Variants in TMEM52B observed in about 807,000 individuals in gnomAD.
TMEM52B encodes transmembrane protein 52B, also known as chromosome 12 open reading frame 59.
In TMEM52B, 11 loss-of-function variants were observed where a neutral mutation model predicts 16.1. The ratio of observed to expected loss-of-function variants is 0.68; its 90% confidence interval spans 0.43 to 1.13. TMEM52B has a LOEUF of 1.13. Among genes scored for constraint, TMEM52B ranks in the 50% most tolerant of loss-of-function variants. TMEM52B has a pLI of 0.00. For missense variants in TMEM52B, 243 were observed against 230.4 expected, an observed-to-expected ratio of 1.05 and a Z score of -0.35; for synonymous variants, 101 against 93.8, an observed-to-expected ratio of 1.08 and a Z score of -0.45.
upstream of TMEM52B, among the ~76,000 whole-genome samples, chr12:10,175,049 G>T (rs987498645): frequency 6.6e-6 from 1 of 152,110 alleles, no homozygotes; most frequent in Admixed American, 6.5e-5. Flanking sequence ...TCCTTGTGTG[G>T]CAGATAACTG....
upstream of TMEM52B, chr12:10,175,525 T>G (rs191711677): frequency 6.6e-6 from 1 of 152,354 alleles, no homozygotes; most frequent in East Asian, 1.9e-4. Flanking sequence ...GCTGCTCACA[T>G]AATTTGTGGT....
At chr12:10,182,623 G>T in intron 2 of TMEM52B, 30 bp downstream of exon 2, 2 of 1,529,242 alleles carry the variant, frequency 1.3e-6, no homozygotes, top group South Asian at 2.4e-5. Context: ...TGGGAGGAAG[G>T]AGCAACAGAC....
At chr12:10,181,171 T>C (rs1008964449) in intron 1 of TMEM52B, among the ~76,000 whole-genome samples, 1 of 151,688 alleles carries the variant, frequency 6.6e-6, no homozygotes, top group Non-Finnish European at 1.5e-5. Flanking sequence ...TGGACAGTTT[T>C]GTTTGTTTTT....
At chr12:10,189,810 G>T in intron 4 of TMEM52B, 86 bp from the exon 5 acceptor site, 1 of 1,531,502 alleles carries the variant, frequency 6.5e-7, no homozygotes, top group South Asian at 1.2e-5. Context: ...AAAATGAAGC[G>T]ACAGTTAAGT....
Position 10,179,532 on chromosome 12 carries a change from G to T in TMEM52B, c.-43G>T, listed in dbSNP as rs951913464. On this transcript the variant is annotated 5_prime_UTR_variant, in exon 1 of 5. Coordinates refer to ENST00000543484, the MANE Select transcript of TMEM52B (RefSeq NM_001384896.1). ...GCACAGAGCATTGAAAGGAGGCAAC[G>T]GATGCCCAGTGCAAGATTCTGAAGA... 6.2e-7 allele frequency: 1 copy of T among 1,609,350 alleles called. No individual in the cohort carries two copies. The highest frequency in any genetic ancestry group is 1.7e-5 in the Admixed American group (1 of 60,000).
chr12:10,180,377 C>A (rs1250430235), intron 1 of TMEM52B, among the ~76,000 whole-genome samples: 2 of 150,094 alleles, frequency 1.3e-5, no homozygotes, highest in African/African-American at 2.4e-5. Flanking sequence ...TTTGCCTTGT[C>A]TTCCCTTCAT....
At chr12:10,184,853 T>C (rs1438387656) in intron 2 of TMEM52B, among the ~76,000 whole-genome samples, 2 of 152,080 alleles carry the variant, frequency 1.3e-5, no homozygotes, top group South Asian at 2.1e-4. Flanking sequence ...TTTTTTCTTT[T>C]TGAGATGGCG....
chr12:10,182,494 G>A, intron 1 of TMEM52B, 56 bp from the exon 2 acceptor site: 2 of 1,523,232 alleles, frequency 1.3e-6, no homozygotes, highest in Non-Finnish European at 1.8e-6. Context: ...TTGGTAAGCA[G>A]CTGAACACAG....
intron 1 of TMEM52B, among the ~76,000 whole-genome samples, chr12:10,171,591 T>C (rs564053228): frequency 6.6e-6 from 1 of 152,326 alleles, no homozygotes; most frequent in South Asian, 2.1e-4. Flanking sequence ...CTCCGATGTA[T>C]AGAATTCTGG....
intron 1 of TMEM52B, among the ~76,000 whole-genome samples, chr12:10,172,840 A>C (rs190510437): frequency 1.3e-5 from 2 of 152,204 alleles, no homozygotes; most frequent in Non-Finnish European, 2.9e-5. Flanking sequence ...TAGGAATTCA[A>C]ATGACATGTC....
intron 4 of TMEM52B, among the ~76,000 whole-genome samples, chr12:10,189,057 C>G (rs1294957973): frequency 7.8e-6 from 1 of 128,638 alleles, no homozygotes; most frequent in Admixed American, 8.2e-5. Context: ...AAAAATTAGC[C>G]AGGCACGTTG....
intron 1 of TMEM52B, chr12:10,172,118 G>A (rs1315332802): frequency 3.5e-6 from 5 of 1,444,560 alleles, no homozygotes; most frequent in Non-Finnish European, 3.9e-6. Context: ...AAGCAGTCAC[G>A]AACTTCAACA....
intron 4 of TMEM52B, among the ~76,000 whole-genome samples, chr12:10,186,834 G>A (rs1251387267): frequency 6.6e-6 from 1 of 152,144 alleles, no homozygotes; most frequent in East Asian, 1.9e-4. Context: ...ATATTGAATA[G>A]GAAGAATTAG....
chr12:10,175,876 AG>A (rs1259590122), upstream of TMEM52B, among the ~76,000 whole-genome samples: 14 of 152,366 alleles, frequency 9.2e-5, 1 homozygote, highest in East Asian at 2.7e-3. Context: ...CACCTGACTT[AG>A]GCAAGGTCAA....
chr12:10,183,065 T>A (rs1948841586), intron 2 of TMEM52B, among the ~76,000 whole-genome samples: 2 of 152,218 alleles, frequency 1.3e-5, no homozygotes, highest in Admixed American at 6.5e-5. Flanking sequence ...AGTTATCAAC[T>A]AATCCAAACC....
intron 1 of TMEM52B, chr12:10,172,065 C>A (rs1267818705): frequency 1.2e-6 from 2 of 1,613,298 alleles, no homozygotes; most frequent in Non-Finnish European, 1.7e-6. Context: ...ATCTTTAGGT[C>A]ATCAAAAGTC....
In TMEM52B at chr12:10,182,601, T is replaced by G. The variant is rs1001531596; in HGVS notation, c.98+8T>G. On this transcript the variant is annotated splice_region_variant and intron_variant, in intron 2 of 4. Transcript: ENST00000543484. ...CTGTGGTAATCCTGAACAGTAAGTATAGAGTTCAAGCTGGGAGGAAGGAGC... is the reference window on the plus strand; with the variant it reads ...CTGTGGTAATCCTGAACAGTAAGTAGAGAGTTCAAGCTGGGAGGAAGGAGC... The G allele has an allele frequency of 2.6e-6, 4 of 1,534,332 alleles. No individual in the cohort carries two copies. Among genetic ancestry groups the G allele is most frequent in the Non-Finnish European group, 3.5e-6 (4 of 1,145,768 alleles).
chr12:10,170,902 G>C (rs771041989), intron 1 of TMEM52B: 2 of 152,092 alleles, frequency 1.3e-5, no homozygotes, highest in African/African-American at 2.4e-5. Flanking sequence ...TCCTTGGTAG[G>C]CAGAGACCAT....
chr12:10,179,426 G>C lies in TMEM52B; in HGVS notation c.-149G>C. ...GCCAGAGCGAGTAGGAGGAGACAGA[G>C]AGAACGAGAGAGAGAAAAGCTGATA... On this transcript the variant is annotated 5_prime_UTR_variant, in exon 1 of 5. Transcript: ENST00000543484. The C allele has an allele frequency of 2.5e-6, 2 of 791,316 alleles. No individual in the cohort carries two copies. The highest frequency in any genetic ancestry group is 4.4e-6 in the Non-Finnish European group (2 of 459,684). 49.0% of individuals were successfully genotyped at this position (791,316 alleles called of 1,614,324 possible). A position where few individuals can be genotyped will look rare whatever the true frequency, so the allele number is the denominator to read the frequency against.
Sources: allele counts gnomAD v4.1 joint callset (sites outside exome capture counted in the v4.1 genomes callset), GRCh38; gene constraint gnomAD v4.1.1; transcripts MANE v1.5; gene names NCBI Gene and HGNC (gene_info 2026-07-23, HGNC 2026-07-21).